The following ERBIN variants were observed in gnomAD, a reference collection of about 807,000 sequenced individuals.
The protein encoded by ERBIN is erbb2 interacting protein.
ERBIN carries 60 observed loss-of-function variants against 158.4 expected under a neutral mutation model. That is an observed-to-expected ratio of 0.38 (90% CI 0.31 to 0.47). The LOEUF (loss-of-function observed/expected upper bound fraction) is 0.47, where lower values mean the gene tolerates loss of function less well. Ranked by LOEUF, ERBIN falls within the 20% of genes least tolerant of loss-of-function variation. The pLI is 0.99. For missense variants in ERBIN, 1,610 were observed against 1,648.0 expected, an observed-to-expected ratio of 0.98 and a Z score of 0.40; for synonymous variants, 594 against 557.2, an observed-to-expected ratio of 1.07 and a Z score of -0.93.
At chr5:65,978,825 A>G (rs147793453) in intron 1 of ERBIN, among the ~76,000 whole-genome samples, 3 of 152,302 alleles carry the variant, frequency 2.0e-5, no homozygotes, top group East Asian at 3.9e-4. Context: ...GCATAAAGAA[A>G]TCATGTAGTC....
chr5:66,021,004 C>T (rs1165567157), intron 7 of ERBIN, among the ~76,000 whole-genome samples: 1 of 151,782 alleles, frequency 6.6e-6, no homozygotes, highest in African/African-American at 2.4e-5. Context: ...CTGACTTGTA[C>T]TATATGAAAA....
At chr5:65,973,114 C>G (rs1749448222) in intron 1 of ERBIN, among the ~76,000 whole-genome samples, 1 of 150,948 alleles carries the variant, frequency 6.6e-6, no homozygotes, top group East Asian at 2.0e-4. Flanking sequence ...TTTCTAGGAA[C>G]ATGGATGAAG....
intron 1 of ERBIN, among the ~76,000 whole-genome samples, chr5:65,930,774 G>A (rs533580100): frequency 6.6e-6 from 1 of 152,316 alleles, no homozygotes; most frequent in African/African-American, 2.4e-5. Flanking sequence ...AAAACATACA[G>A]ATATATTTCT....
At chr5:65,942,279 T>A (rs1365698628) in intron 1 of ERBIN, among the ~76,000 whole-genome samples, 1 of 152,244 alleles carries the variant, frequency 6.6e-6, no homozygotes, top group Non-Finnish European at 1.5e-5. Context: ...AATCCAAGTT[T>A]CCTGACTCTG....
At chr5:65,941,333 GAA>G (rs1745006703) in intron 1 of ERBIN, among the ~76,000 whole-genome samples, 1 of 57,554 alleles carries the variant, frequency 1.7e-5, no homozygotes, top group South Asian at 4.2e-4. Flanking sequence ...AAAAAAAAAA[GAA>G]CAATACAAAT....
intron 1 of ERBIN, among the ~76,000 whole-genome samples, chr5:65,968,999 TTC>T (rs1472178035): frequency 6.6e-6 from 1 of 152,240 alleles, no homozygotes; most frequent in Non-Finnish European, 1.5e-5. Context: ...GTCTCTTCCC[TTC>T]TTTTAGTAAA....
chr5:66,032,188 G>A (rs1289741036), intron 14 of ERBIN, among the ~76,000 whole-genome samples: 1 of 152,198 alleles, frequency 6.6e-6, no homozygotes, highest in African/African-American at 2.4e-5. Context: ...GGCAGATAGA[G>A]ATCAGTTGGT....
chr5:65,974,601 C>T (rs1749660532), intron 1 of ERBIN, among the ~76,000 whole-genome samples: 1 of 152,238 alleles, frequency 6.6e-6, no homozygotes, highest in Non-Finnish European at 1.5e-5. Context: ...TTAACTCTTC[C>T]TGCTCCTGTA....
intron 21 of ERBIN, among the ~76,000 whole-genome samples, chr5:66,067,730 CT>C (rs1318930124): frequency 6.6e-6 from 1 of 152,142 alleles, no homozygotes; most frequent in Non-Finnish European, 1.5e-5. Context: ...TCGTTTTCTT[CT>C]TCTTGTAATT....
rs753974414 is a variant in ERBIN, at chr5:66,054,353, G to C, written c.3035G>C (p.Arg1012Thr). ...HASFPPQLLP[R>T]SESTENQSYA... Reference sequence around the variant, plus strand: ...AGTTTTCCTCCTCAGCTCCTTCCTAGATCAGAGAGCACAGAAAATCAAAGT... The same window carrying C: ...AGTTTTCCTCCTCAGCTCCTTCCTACATCAGAGAGCACAGAAAATCAAAGT... Residue 1012 changes from arginine to threonine, a missense_variant, in exon 21 of 26, where the codon AGA (arginine) becomes ACA (threonine). Around this residue, in one of 2 missense-constraint regions of ERBIN, gnomAD observed 1,014 missense variants for 936.1 expected, o/e 1.08. Coordinates refer to ENST00000284037, the MANE Select transcript of ERBIN (RefSeq NM_001253697.2). 2 of 1,613,998 alleles carry C rather than the reference G, an allele frequency of 1.2e-6. No homozygotes were observed. Among genetic ancestry groups the C allele is most frequent in the African/African-American group, 1.3e-5 (1 of 74,906 alleles).
rs545029884 is a variant in ERBIN at position 66,034,648 on chromosome 5, A to C, written c.1207-3735A>C. On this transcript the variant is annotated intron_variant, in intron 14 of 25. Coordinates refer to ENST00000284037, the MANE Select transcript of ERBIN (RefSeq NM_001253697.2). ...GGAAGATATTTTCAGAACACAGTTT[A>C]GGAAACATAGAAGGATTTTCAGGTA... Among the ~76,000 whole-genome samples, 16 of 151,414 alleles carry C rather than the reference A, an allele frequency of 1.1e-4. No individual in the cohort carries two copies. The South Asian group carries it at 3.3e-3, about 32-fold the overall frequency.
chr5:66,018,473 T>TTATATAA lies in ERBIN; in HGVS notation c.534-2843_534-2842insATATATA, dbSNP rs1554058739. Among the ~76,000 whole-genome samples the TTATATAA allele has an allele frequency of 2.6e-3, 13 of 5,060 alleles. 1 individual carries two copies. Among genetic ancestry groups the TTATATAA allele is most frequent in the South Asian group, 9.8e-3 (2 of 204 alleles). The allele number at this position is 5,060 out of a possible 152,430, so 3.3% of individuals were successfully genotyped here. ...TATATATTATATTATATAATATATA[T>TTATATAA]TATATATTATATATTATATTATATA... On this transcript the variant is annotated intron_variant, in intron 7 of 25. Coordinates refer to ENST00000284037, the MANE Select transcript of ERBIN (RefSeq NM_001253697.2).
chr5:65,997,927 TACAC>T (rs60768327), intron 4 of ERBIN, among the ~76,000 whole-genome samples: 1 of 150,210 alleles, frequency 6.7e-6, no homozygotes, highest in African/African-American at 2.4e-5. Flanking sequence ...GGTGTCTGTC[TACAC>T]ACACACACAC....
At chr5:66,058,349 G>A (rs1485945011) in intron 21 of ERBIN, among the ~76,000 whole-genome samples, 2 of 152,078 alleles carry the variant, frequency 1.3e-5, no homozygotes, top group African/African-American at 4.8e-5. Flanking sequence ...TTTGAGAAGT[G>A]TCTGTTCATA....
intron 1 of ERBIN, among the ~76,000 whole-genome samples, chr5:65,952,312 A>G (rs1291510875): frequency 1.3e-5 from 2 of 152,196 alleles, no homozygotes; most frequent in Admixed American, 6.5e-5. Context: ...AAAGTCTGGA[A>G]TAACAGGTTA....
intron 16 of ERBIN, 39 bp from the exon 17 acceptor site, chr5:66,044,098 A>G: frequency 7.0e-7 from 1 of 1,421,040 alleles, no homozygotes; most frequent in Non-Finnish European, 9.4e-7. Flanking sequence ...GACATTAGAA[A>G]TATTTGTACT....
intron 1 of ERBIN, among the ~76,000 whole-genome samples, chr5:65,941,041 A>G (rs1482211082): frequency 6.6e-6 from 1 of 152,132 alleles, no homozygotes; most frequent in African/African-American, 2.4e-5. Flanking sequence ...TCTCTGAAAC[A>G]TGTGCTGTGT....
chr5:66,066,522 T>TAAAAAA (rs762065039), intron 21 of ERBIN, among the ~76,000 whole-genome samples: 47 of 102,106 alleles, frequency 4.6e-4, no homozygotes, highest in African/African-American at 1.8e-3. Flanking sequence ...CTGCCAAAAA[T>TAAAAAA]AAAAAAAAAA....
chr5:65,931,156 A>G (rs974930357), intron 1 of ERBIN, among the ~76,000 whole-genome samples: 3 of 152,256 alleles, frequency 2.0e-5, no homozygotes, highest in Non-Finnish European at 4.4e-5. Flanking sequence ...AAAATAAAAA[A>G]TGACATCTCC....
Sources: allele counts gnomAD v4.1 joint callset (sites outside exome capture counted in the v4.1 genomes callset), GRCh38; gene constraint gnomAD v4.1.1; regional missense constraint gnomAD v4.1.1; transcripts MANE v1.5; gene names NCBI Gene and HGNC (gene_info 2026-07-23, HGNC 2026-07-21).